SLC35D1: variants seen among roughly 807,000 people sequenced by gnomAD.
SLC35D1 encodes solute carrier family 35 member D1.
Under a neutral mutation model 46.7 loss-of-function variants are expected in SLC35D1, and 31 were observed. That is an observed-to-expected ratio of 0.66 (90% confidence interval 0.50 to 0.90). The LOEUF (loss-of-function observed/expected upper bound fraction) is 0.90, where lower values mean the gene tolerates loss of function less well. Among genes scored for constraint, SLC35D1 ranks in the 40% least tolerant of loss-of-function variants. SLC35D1 has a pLI of 0.00. For synonymous variants in SLC35D1, 195 were observed against 164.6 expected (o/e 1.18, Z -1.41); for missense variants, 397 against 426.2 (o/e 0.93, Z 0.60).
chr1:67,006,229 T>C (rs1345047202), intron 11 of SLC35D1, among the ~76,000 whole-genome samples: 7 of 152,196 alleles, frequency 4.6e-5, no homozygotes, highest in Non-Finnish European at 1.0e-4. Flanking sequence ...TAATTTTTTC[T>C]GGAATTTGAT....
At chr1:66,975,745 G>A in the SLC35D1 span, among the ~76,000 whole-genome samples, 1 of 152,068 alleles carries the variant, frequency 6.6e-6, no homozygotes, top group African/African-American at 2.4e-5. Context: ...ACAGTAAGCC[G>A]CAAGAGTAAC....
chr1:67,053,207 T>C (rs1355439808), intron 1 of SLC35D1, among the ~76,000 whole-genome samples: 1 of 151,920 alleles, frequency 6.6e-6, no homozygotes, highest in Non-Finnish European at 1.5e-5. Context: ...TCCCATCTTG[T>C]CCGAGTCTAC....
intron 7 of SLC35D1, among the ~76,000 whole-genome samples, chr1:67,043,103 G>A (rs1280503718): frequency 2.0e-5 from 3 of 151,978 alleles, no homozygotes; most frequent in African/African-American, 4.8e-5. Flanking sequence ...GCTGAGGCGG[G>A]AGAATCGCTT....
intron 8 of SLC35D1, among the ~76,000 whole-genome samples, chr1:67,027,084 T>C (rs555185354): frequency 2.0e-4 from 31 of 152,318 alleles, no homozygotes; most frequent in African/African-American, 7.2e-4. Flanking sequence ...GAGTTATTCA[T>C]ACATTACCTA....
chr1:67,025,344 T>C (rs1000566057), intron 8 of SLC35D1, among the ~76,000 whole-genome samples: 2 of 152,212 alleles, frequency 1.3e-5, no homozygotes, highest in Non-Finnish European at 2.9e-5. Flanking sequence ...CATTATCTTT[T>C]CCTCATTGAT....
At chr1:67,020,542 T>C (rs764866579) in intron 9 of SLC35D1, 95 bp from the exon 10 acceptor site, 2 of 867,968 alleles carry the variant, frequency 2.3e-6, no homozygotes, top group Non-Finnish European at 3.9e-6. Flanking sequence ...CAGCACATTC[T>C]AGTCACTGAC....
At chr1:66,993,328 T>C in the SLC35D1 span, among the ~76,000 whole-genome samples, 1 of 152,184 alleles carries the variant, frequency 6.6e-6, no homozygotes, top group East Asian at 1.9e-4. Context: ...TGTTGTACCA[T>C]CTGCCTTCAA....
chr1:67,052,799 G>A lies in SLC35D1; in HGVS notation c.296C>T (p.Pro99Leu), dbSNP rs765222619. The change falls in exon 3 of 12, where the codon CCT (proline) becomes CTT (leucine). Residue 99 changes from proline to leucine, a missense_variant. Pro to Leu is a moderately conservative substitution (Grantham distance 98, BLOSUM62 -3). Transcript: ENST00000235345. Reference protein sequence around the residue: ...VGKALRVVKFPDLDRNVPRKT... With the variant: ...VGKALRVVKFLDLDRNVPRKT... ...TCGAGGTACATTTCTGTCAAGGTCA[G>A]GAAACTTGACTACTCTGAGCGCCTT... The A allele has an allele frequency of 1.9e-6, 3 of 1,614,138 alleles. No homozygotes were observed. Among genetic ancestry groups the A allele is most frequent in the Non-Finnish European group, 2.5e-6 (3 of 1,180,028 alleles).
downstream of SLC35D1, among the ~76,000 whole-genome samples, chr1:66,999,139 T>C (rs1288129212): frequency 6.6e-6 from 1 of 152,174 alleles, no homozygotes; most frequent in East Asian, 1.9e-4. Flanking sequence ...GATAATGCAG[T>C]TGAAATACCC....
At chr1:67,030,299 A>G (rs1162055009) in intron 8 of SLC35D1, among the ~76,000 whole-genome samples, 1 of 152,236 alleles carries the variant, frequency 6.6e-6, no homozygotes, top group Non-Finnish European at 1.5e-5. Context: ...AACACATAAA[A>G]GAAATCTCAG....
chr1:66,994,072 T>C, the SLC35D1 span, among the ~76,000 whole-genome samples: 28 of 152,288 alleles, frequency 1.8e-4, no homozygotes, highest in South Asian at 5.4e-3. Context: ...TAAAAACATT[T>C]AGGTTTGCAA....
Position 67,042,792 on chromosome 1 carries a change from G to A in SLC35D1, c.637-464C>T, listed in dbSNP as rs78452279. ...AAGAAAGATGGATGAGGCCGGATAC[G>A]GTGGCTCACACCTGTAAACTTAGCA... On this transcript the variant is annotated intron_variant, in intron 7 of 11. Transcript: ENST00000235345. 6.2e-4 allele frequency among the ~76,000 whole-genome samples: 94 copies of A among 152,288 alleles called. 5 individuals carry two copies. The East Asian group carries it at 0.018, about 28-fold the overall frequency.
intron 10 of SLC35D1, among the ~76,000 whole-genome samples, chr1:67,018,445 G>T (rs181651775): frequency 1.4e-4 from 22 of 152,184 alleles, no homozygotes; most frequent in African/African-American, 4.8e-4. Flanking sequence ...CCTAAGCAAG[G>T]CTGGCTATCA....
chr1:67,014,836 T>C (rs1667648433), intron 10 of SLC35D1, among the ~76,000 whole-genome samples: 1 of 151,748 alleles, frequency 6.6e-6, no homozygotes, highest in East Asian at 1.9e-4. Flanking sequence ...TAGATTCTAA[T>C]GTCTAGACAA....
Position 67,042,243 on chromosome 1 carries a change from G to A in SLC35D1, c.722C>T (p.Ala241Val). Residue 241 changes from alanine (A) to valine (V), a missense_variant, in exon 8 of 12, where the codon GCA becomes GTA. Physicochemically the swap from Ala to Val is moderately conservative, Grantham distance 64. Transcript: ENST00000235345. ...GTAATTAGAAAGTCCTACCTTTTGT[G>A]CATCTCCTGTGAAATACGCAATGGC... ...TLAIAYFTGD[A>V]QKAVEFEGWA... 6.2e-7 allele frequency: 1 copy of A among 1,613,768 alleles called. No individual in the cohort carries two copies. Among genetic ancestry groups the A allele is most frequent in the Admixed American group, 1.7e-5 (1 of 60,026 alleles).
At chr1:66,974,285 G>A in the SLC35D1 span, among the ~76,000 whole-genome samples, 1 of 151,884 alleles carries the variant, frequency 6.6e-6, no homozygotes, top group Non-Finnish European at 1.5e-5. Flanking sequence ...CTAATGTTGT[G>A]TTCATATCAT....
At chr1:67,028,366 T>C (rs1430848574) in intron 8 of SLC35D1, among the ~76,000 whole-genome samples, 3 of 152,226 alleles carry the variant, frequency 2.0e-5, no homozygotes, top group Non-Finnish European at 4.4e-5. Flanking sequence ...GTTGACAGTA[T>C]TATCCAAGTC....
chr1:67,004,100 C>G lies in SLC35D1; in HGVS notation c.*240G>C. The stretch of plus-strand genomic sequence containing the variant: ...CATATAAGAAAAATAAATTAAAAAG[C>G]CCAGTACCTTTTCCAGTCTGATATA... On this transcript the variant is annotated 3_prime_UTR_variant, in exon 12 of 12. Transcript: ENST00000235345. 1 of 458,564 alleles carries G rather than the reference C, an allele frequency of 2.2e-6. No homozygotes were observed. The highest frequency in any genetic ancestry group is 4.0e-6 in the Non-Finnish European group (1 of 249,340). 28.4% of individuals were successfully genotyped at this position (458,564 alleles called of 1,614,324 possible). A position where few individuals can be genotyped will look rare whatever the true frequency, so the allele number is the denominator to read the frequency against.
At chr1:66,978,828 C>G in the SLC35D1 span, among the ~76,000 whole-genome samples, 2 of 152,134 alleles carry the variant, frequency 1.3e-5, no homozygotes, top group East Asian at 3.8e-4. Flanking sequence ...ATGTCAAGAT[C>G]AACAGGTTAG....
Sources: allele counts gnomAD v4.1 joint callset (sites outside exome capture counted in the v4.1 genomes callset), GRCh38; gene constraint gnomAD v4.1.1; transcripts MANE v1.5; gene names NCBI Gene and HGNC (gene_info 2026-07-23, HGNC 2026-07-21).